DLC1: variants seen among roughly 807,000 people sequenced by gnomAD.
DLC1 encodes DLC1 Rho GTPase activating protein.
In DLC1, 54 loss-of-function variants were observed where a neutral mutation model predicts 140.3. The observed-to-expected ratio is 0.38, with a 90% CI of 0.31 to 0.48. The LOEUF is 0.48. Ranked by LOEUF, DLC1 falls within the 20% of genes least tolerant of loss-of-function variation. The pLI, the probability that DLC1 is intolerant of heterozygous loss-of-function variation, is 0.96. For missense variants in DLC1, 2,536 were observed against 1,907.0 expected, an observed-to-expected ratio of 1.33 and a Z score of -6.14; for synonymous variants, 986 against 728.1, an observed-to-expected ratio of 1.35 and a Z score of -5.70.
intron 14 of DLC1, 142 bp from the exon 15 acceptor site, chr8:13,090,612 T>C (rs953604054): frequency 9.5e-6 from 8 of 838,340 alleles, no homozygotes; most frequent in Middle Eastern, 3.6e-4. Context: ...TGGGCTATCA[T>C]GCTGACCGCA....
intron 1 of DLC1, among the ~76,000 whole-genome samples, chr8:13,581,708 A>T (rs182352979): frequency 6.6e-6 from 1 of 152,204 alleles, no homozygotes. Flanking sequence ...GATGTGCATC[A>T]GATTACTGGG....
chr8:13,397,941 G>C lies in DLC1; in HGVS notation c.1173+3529C>G, dbSNP rs1198431867. Among the ~76,000 whole-genome samples the C allele has an allele frequency of 2.6e-5, 4 of 151,984 alleles. No individual in the cohort carries two copies. In the East Asian group the frequency reaches 7.8e-4, roughly 29 times the overall value. On this transcript the variant is annotated intron_variant, in intron 3 of 17. Coordinates refer to ENST00000276297, the MANE Select transcript of DLC1 (RefSeq NM_182643.3). ...AGGTGAGGAGATCGAGACCATCCTG[G>C]CCAACATGGTGAAACCCTGTCTCTA...
chr8:13,231,581 T>C (rs2013640), intron 5 of DLC1, among the ~76,000 whole-genome samples: 18,066 of 152,274 alleles, frequency 0.12, 1,234 homozygotes, highest in South Asian at 0.23. Flanking sequence ...TTTTCTTTCA[T>C]TTTGATTGGT....
intron 4 of DLC1, among the ~76,000 whole-genome samples, chr8:13,316,602 G>A (rs905817686): frequency 6.6e-6 from 1 of 152,056 alleles, no homozygotes; most frequent in African/African-American, 2.4e-5. Flanking sequence ...CAGAAGGGGA[G>A]GAGAGTGAGG....
At chr8:13,299,583 T>C (rs895352439) in intron 5 of DLC1, among the ~76,000 whole-genome samples, 4 of 149,766 alleles carry the variant, frequency 2.7e-5, no homozygotes, top group Non-Finnish European at 4.4e-5. Flanking sequence ...AGGCAGAAGA[T>C]GAAAGCAGAG....
In DLC1 at chr8:13,476,981, C is replaced by G. The variant is rs1233808824; in HGVS notation, c.1023+22068G>C. ...ATAGCAAGGGAAGTTGTGCTTTTCT[C>G]CTACATCAACCTTACTGAAAACAGA... On this transcript the variant is annotated intron_variant, in intron 2 of 17. Coordinates refer to ENST00000276297, the MANE Select transcript of DLC1 (RefSeq NM_182643.3). 3.3e-5 allele frequency among the ~76,000 whole-genome samples: 5 copies of G among 152,088 alleles called. 1 individual carries two copies. The highest frequency in any genetic ancestry group is 1.3e-4 in the Admixed American group (2 of 15,278).
chr8:13,353,275 A>G (rs1161282350), intron 4 of DLC1: 1 of 151,708 alleles, frequency 6.6e-6, no homozygotes. Flanking sequence ...TCATCTAAAG[A>G]TTTTTTTTTC....
chr8:13,336,080 A>G (rs1397972323), intron 4 of DLC1, among the ~76,000 whole-genome samples: 3 of 152,120 alleles, frequency 2.0e-5, no homozygotes, highest in Non-Finnish European at 4.4e-5. Context: ...CAGAAGGCAT[A>G]TTTCTAAAGG....
At chr8:13,374,732 A>G (rs1192486691) in intron 4 of DLC1, among the ~76,000 whole-genome samples, 1 of 152,206 alleles carries the variant, frequency 6.6e-6, no homozygotes, top group African/African-American at 2.4e-5. Flanking sequence ...CAGTGAATCA[A>G]GGTAGTGCCA....
chr8:13,345,015 C>T (rs148381732), intron 4 of DLC1, among the ~76,000 whole-genome samples: 1 of 152,202 alleles, frequency 6.6e-6, no homozygotes, highest in East Asian at 1.9e-4. Context: ...TGCATAGAAT[C>T]ATATAATTCC....
At chr8:13,589,114 T>C (rs1047801422) in intron 1 of DLC1, among the ~76,000 whole-genome samples, 2 of 152,124 alleles carry the variant, frequency 1.3e-5, no homozygotes, top group African/African-American at 4.8e-5. Flanking sequence ...TTTTTCTTTG[T>C]ATTTTAACCA....
At chr8:13,600,915 G>T (rs1805853683) in intron 1 of DLC1, among the ~76,000 whole-genome samples, 1 of 151,710 alleles carries the variant, frequency 6.6e-6, no homozygotes, top group Non-Finnish European at 1.5e-5. Context: ...TATTTTATAT[G>T]TAGTATTCAT....
At chr8:13,199,599 C>T (rs1034796676) in intron 5 of DLC1, among the ~76,000 whole-genome samples, 4 of 152,212 alleles carry the variant, frequency 2.6e-5, no homozygotes, top group South Asian at 2.1e-4. Flanking sequence ...TACTTCAACT[C>T]ATTTCTTCTT....
At chr8:13,181,188 C>G (rs1238532329) in intron 5 of DLC1, among the ~76,000 whole-genome samples, 1 of 152,064 alleles carries the variant, frequency 6.6e-6, no homozygotes, top group African/African-American at 2.4e-5. Context: ...GAGATTTGCT[C>G]TCACTCCAAA....
intron 5 of DLC1, among the ~76,000 whole-genome samples, chr8:13,223,445 C>G (rs556288221): frequency 6.6e-6 from 1 of 152,212 alleles, no homozygotes; most frequent in South Asian, 2.1e-4. Flanking sequence ...TATTTTGTAT[C>G]TTTCCCTTGC....
chr8:13,127,851 G>C (rs1040552018), intron 5 of DLC1, among the ~76,000 whole-genome samples: 5 of 152,226 alleles, frequency 3.3e-5, no homozygotes, highest in Admixed American at 3.3e-4. Flanking sequence ...AGGTGGGGCA[G>C]GGCAGAGAAC....
intron 5 of DLC1, among the ~76,000 whole-genome samples, chr8:13,196,249 T>C (rs553437522): frequency 4.0e-4 from 61 of 152,294 alleles, no homozygotes; most frequent in African/African-American, 1.4e-3. Flanking sequence ...TATTTCTTTA[T>C]GTAAAAAATG....
chr8:13,566,844 A>G lies in DLC1; in HGVS notation c.-126+37693T>C, dbSNP rs374822998. ...TGCGCATGAGCGGCCCGCGTTGCCA[A>G]GACAGCTGGGAAGGCGTCTCCCGGA... On this transcript the variant is annotated intron_variant, in intron 1 of 1. Coordinates refer to the DLC1 transcript ENST00000631382. 169 of 1,098,304 alleles carry G rather than the reference A, an allele frequency of 1.5e-4. No homozygotes were observed. In the East Asian group the frequency reaches 2.3e-3, roughly 15 times the overall value. 68.0% of individuals were successfully genotyped at this position (1,098,304 alleles called of 1,614,324 possible).
At chr8:13,524,016 A>C (rs1422623866) in intron 1 of DLC1, among the ~76,000 whole-genome samples, 1 of 151,768 alleles carries the variant, frequency 6.6e-6, no homozygotes, top group African/African-American at 2.4e-5. Context: ...TGGGAGTGTG[A>C]CGCATGTGAA....
Sources: allele counts gnomAD v4.1 joint callset (sites outside exome capture counted in the v4.1 genomes callset), GRCh38; gene constraint gnomAD v4.1.1; transcripts MANE v1.5; gene names NCBI Gene and HGNC (gene_info 2026-07-23, HGNC 2026-07-21).